The following PTPRD variants were observed in gnomAD, a reference collection of about 807,000 sequenced individuals.
PTPRD encodes the protein receptor-type tyrosine-protein phosphatase delta.
A neutral mutation model predicts 214.5 loss-of-function variants in PTPRD; 34 were observed. That is an observed-to-expected ratio of 0.16 (90% CI 0.12 to 0.21). The LOEUF is 0.21. Ranked by LOEUF, PTPRD falls within the 10% of genes least tolerant of loss-of-function variation. PTPRD has a pLI of 1.00. For missense variants in PTPRD, 2,545 were observed against 2,398.7 expected (o/e 1.06, Z -1.27); for synonymous variants, 1,128 against 845.7 (o/e 1.33, Z -5.79).
At chr9:9,528,946 T>G (rs151087201) in intron 8 of PTPRD, among the ~76,000 whole-genome samples, 25,668 of 150,276 alleles carry the variant, frequency 0.17, 2,963 homozygotes, top group Non-Finnish European at 0.24. Context: ...TTCTTTTTTT[T>G]TTTTTTTTTT....
At chr9:10,574,671 C>A (rs898457896) in intron 2 of PTPRD, among the ~76,000 whole-genome samples, 1 of 151,734 alleles carries the variant, frequency 6.6e-6, no homozygotes, top group Non-Finnish European at 1.5e-5. Flanking sequence ...GAAAATGAAT[C>A]ATTATATGAT....
At chr9:9,845,032 CTA>C (rs368240434) in intron 5 of PTPRD, among the ~76,000 whole-genome samples, 2 of 134,852 alleles carry the variant, frequency 1.5e-5, no homozygotes, top group African/African-American at 2.8e-5. Flanking sequence ...ATATATACTG[CTA>C]TATATATATA....
At chr9:9,479,923 A>G (rs1320174048) in intron 8 of PTPRD, among the ~76,000 whole-genome samples, 5 of 152,164 alleles carry the variant, frequency 3.3e-5, no homozygotes, top group Non-Finnish European at 2.9e-5. Context: ...TATAAACTAT[A>G]TAATAAAAGC....
At chr9:10,595,313 A>G (rs1039360142) in intron 2 of PTPRD, among the ~76,000 whole-genome samples, 1 of 151,964 alleles carries the variant, frequency 6.6e-6, no homozygotes, top group African/African-American at 2.4e-5. Context: ...GATGAACTAT[A>G]AAAGATAATG....
chr9:10,504,095 C>T (rs1444466744), intron 2 of PTPRD, among the ~76,000 whole-genome samples: 5 of 66,856 alleles, frequency 7.5e-5, no homozygotes. Context: ...CAGCATGGGG[C>T]ACAGAGCGAG....
chr9:8,489,064 A>T (rs2097096293), intron 27 of PTPRD, among the ~76,000 whole-genome samples: 1 of 152,226 alleles, frequency 6.6e-6, no homozygotes, highest in African/African-American at 2.4e-5. Flanking sequence ...CCACAAATAG[A>T]GACTGCATTC....
chr9:9,403,509 C>G (rs888265541), intron 8 of PTPRD, among the ~76,000 whole-genome samples: 1 of 151,702 alleles, frequency 6.6e-6, no homozygotes, highest in African/African-American at 2.4e-5. Context: ...CTCTCCACAC[C>G]TCCATGCACT....
chr9:10,086,808 A>G (rs1464760320), intron 3 of PTPRD, among the ~76,000 whole-genome samples: 1 of 151,838 alleles, frequency 6.6e-6, no homozygotes, highest in Non-Finnish European at 1.5e-5. Context: ...TCATTTCAGG[A>G]GATGAGTTCA....
Position 9,759,160 on chromosome 9 carries a change from T to C in PTPRD, c.-326+7650A>G, listed in dbSNP as rs185364932. On this transcript the variant is annotated intron_variant, in intron 6 of 45. Transcript: ENST00000381196. Reference sequence around the variant, plus strand: ...AGCAAGCAGGTCCCTAGCTCCTTTTTCACAGTAAATCTATTCCTAGCCTGA... The same window carrying C: ...AGCAAGCAGGTCCCTAGCTCCTTTTCCACAGTAAATCTATTCCTAGCCTGA... Among the ~76,000 whole-genome samples, 17 of 152,316 alleles carry C rather than the reference T, an allele frequency of 1.1e-4. No individual in the cohort carries two copies. In the East Asian group the frequency reaches 3.3e-3, roughly 29 times the overall value.
At chr9:9,414,338 T>C (rs2076368018) in intron 8 of PTPRD, among the ~76,000 whole-genome samples, 1 of 152,230 alleles carries the variant, frequency 6.6e-6, no homozygotes, top group South Asian at 2.1e-4. Flanking sequence ...GATTCAATGC[T>C]TTTGAAAGAG....
In PTPRD at chr9:9,329,009, G is replaced by A. The variant is rs533579166; in HGVS notation, c.-203+68440C>T. ...TGCGTAAAAATTGACACTATGAGGA[G>A]AACACTTTTTTTCTTTCTTTATCTT... On this transcript the variant is annotated intron_variant, in intron 9 of 45. Coordinates refer to ENST00000381196, the MANE Select transcript of PTPRD (RefSeq NM_002839.4). 6.6e-5 allele frequency among the ~76,000 whole-genome samples: 10 copies of A among 152,018 alleles called. No homozygotes were observed. In the South Asian group the frequency reaches 1.9e-3, roughly 28 times the overall value.
chr9:8,553,448 G>A (rs989324251), intron 14 of PTPRD, among the ~76,000 whole-genome samples: 1 of 152,154 alleles, frequency 6.6e-6, no homozygotes, highest in African/African-American at 2.4e-5. Context: ...AGTTGAAGTA[G>A]TGGAATGCAT....
intron 11 of PTPRD, among the ~76,000 whole-genome samples, chr9:8,739,988 C>G (rs1357705467): frequency 1.3e-5 from 2 of 152,132 alleles, no homozygotes; most frequent in Non-Finnish European, 2.9e-5. Context: ...TCCATTAAAC[C>G]TTTTTTTCTT....
chr9:8,921,995 T>A (rs899298498), intron 11 of PTPRD, among the ~76,000 whole-genome samples: 1 of 152,134 alleles, frequency 6.6e-6, no homozygotes, highest in East Asian at 1.9e-4. Context: ...ACAGATAGAA[T>A]CCCAGTCTCT....
At chr9:10,508,523 A>G (rs2046855807) in intron 2 of PTPRD, among the ~76,000 whole-genome samples, 1 of 152,166 alleles carries the variant, frequency 6.6e-6, no homozygotes, top group Admixed American at 6.6e-5. Context: ...ACTATTCACA[A>G]TAGCAAAGAC....
intron 10 of PTPRD, among the ~76,000 whole-genome samples, chr9:9,100,395 T>C (rs2099789666): frequency 6.6e-6 from 1 of 152,158 alleles, no homozygotes; most frequent in South Asian, 2.1e-4. Flanking sequence ...AAAATGTATC[T>C]GTAGTGACAC....
chr9:8,768,617 C>T (rs1026073851), intron 11 of PTPRD, among the ~76,000 whole-genome samples: 1 of 152,002 alleles, frequency 6.6e-6, no homozygotes, highest in Non-Finnish European at 1.5e-5. Flanking sequence ...TACAAAATGA[C>T]ACCCAGCTAA....
At chr9:8,752,243 C>A (rs1990508437) in intron 11 of PTPRD, among the ~76,000 whole-genome samples, 1 of 152,128 alleles carries the variant, frequency 6.6e-6, no homozygotes, top group South Asian at 2.1e-4. Context: ...GCTGATAAGG[C>A]AGCTTGCAGT....
chr9:10,509,019 T>A (rs935745697), intron 2 of PTPRD, among the ~76,000 whole-genome samples: 1 of 152,086 alleles, frequency 6.6e-6, no homozygotes, highest in Non-Finnish European at 1.5e-5. Flanking sequence ...ATACTAACTT[T>A]GAACCCATGG....
Sources: allele counts gnomAD v4.1 joint callset (sites outside exome capture counted in the v4.1 genomes callset), GRCh38; gene constraint gnomAD v4.1.1; transcripts MANE v1.5; gene names NCBI Gene and HGNC (gene_info 2026-07-23, HGNC 2026-07-21).